Variants in TBC1D32 observed in about 807,000 individuals in gnomAD.
The protein encoded by TBC1D32 is TBC1 domain family member 32.
In TBC1D32, 151 loss-of-function variants were observed where a neutral mutation model predicts 170.3. The observed-to-expected ratio is 0.89, with a 90% CI of 0.78 to 1.01. TBC1D32 has a LOEUF of 1.01. Among genes scored for constraint, TBC1D32 ranks in the 50% least tolerant of loss-of-function variants. The pLI, the probability that TBC1D32 is intolerant of heterozygous loss-of-function variation, is 0.00. For synonymous variants in TBC1D32, 498 were observed against 488.0 expected (o/e 1.02, Z -0.27); for missense variants, 1,464 against 1,457.1 (o/e 1.00, Z -0.08).
chr6:121,231,917 A>T (rs1418879541), intron 20 of TBC1D32, among the ~76,000 whole-genome samples: 1 of 152,014 alleles, frequency 6.6e-6, no homozygotes, highest in Non-Finnish European at 1.5e-5. Flanking sequence ...AAGCTTTTTA[A>T]TTTAATTAAG....
intron 24 of TBC1D32, among the ~76,000 whole-genome samples, chr6:121,150,254 T>G (rs1784044697): frequency 6.6e-6 from 1 of 152,226 alleles, no homozygotes; most frequent in Admixed American, 6.5e-5. Context: ...CTTTCCTGCA[T>G]CTATTGAGAT....
At chr6:121,169,716 C>A (rs767619675) in intron 22 of TBC1D32, among the ~76,000 whole-genome samples, 1 of 152,074 alleles carries the variant, frequency 6.6e-6, no homozygotes, top group Non-Finnish European at 1.5e-5. Context: ...CTACAAAAAA[C>A]CTAGAGTATC....
intron 24 of TBC1D32, among the ~76,000 whole-genome samples, chr6:121,153,223 T>C (rs562820988): frequency 2.6e-5 from 4 of 152,136 alleles, no homozygotes; most frequent in Admixed American, 6.5e-5. Context: ...TTGCTTTCTG[T>C]TTGTTAGTTT....
At chr6:121,212,486 C>A (rs1271706929) in intron 21 of TBC1D32, among the ~76,000 whole-genome samples, 1 of 140,858 alleles carries the variant, frequency 7.1e-6, no homozygotes, top group East Asian at 2.0e-4. Context: ...TGGAGTTTCC[C>A]TCTTGTTTCC....
intron 15 of TBC1D32, among the ~76,000 whole-genome samples, chr6:121,264,532 T>C (rs1019622598): frequency 6.6e-6 from 1 of 151,976 alleles, no homozygotes; most frequent in Non-Finnish European, 1.5e-5. Flanking sequence ...TCCTAACAAT[T>C]AAAAGGAAGG....
intron 2 of TBC1D32, among the ~76,000 whole-genome samples, chr6:121,320,928 C>G (rs376769792): frequency 1.3e-5 from 2 of 151,900 alleles, no homozygotes; most frequent in Non-Finnish European, 2.9e-5. Flanking sequence ...ATAACACTGA[C>G]GAGAAAAAAA....
intron 15 of TBC1D32, among the ~76,000 whole-genome samples, chr6:121,257,319 A>T (rs959476610): frequency 6.6e-6 from 1 of 151,824 alleles, no homozygotes; most frequent in Admixed American, 6.6e-5. Context: ...CACTATCTGG[A>T]TGTCCCAATT....
chr6:121,153,004 T>C (rs1021761850), intron 24 of TBC1D32, among the ~76,000 whole-genome samples: 1 of 152,178 alleles, frequency 6.6e-6, no homozygotes, highest in African/African-American at 2.4e-5. Context: ...TACTGTCAAT[T>C]TGTCAAACTC....
intron 24 of TBC1D32, among the ~76,000 whole-genome samples, chr6:121,134,466 C>A (rs1781795508): frequency 6.6e-6 from 1 of 152,060 alleles, no homozygotes; most frequent in African/African-American, 2.4e-5. Context: ...ATGTGGTATG[C>A]GCCTGAATCT....
Position 121,090,868 on chromosome 6 carries a change from C to A in TBC1D32, c.3639G>T (p.Leu1213=). The part of the protein sequence containing the change: ...DILQHTQTQD[L]QVFLKEEALH... ...ACATACTTACTTTTAGGAAAACTTG[C>A]AGATCTTGAGTCTGAGTGTGCTGTA... The change falls in exon 31 of 32, where the codon CTG becomes CTT. Residue 1213 remains leucine, a synonymous_variant. Transcript: ENST00000398212. 1 of 1,608,648 alleles carries A rather than the reference C, an allele frequency of 6.2e-7. No individual in the cohort carries two copies. Among genetic ancestry groups the A allele is most frequent in the Non-Finnish European group, 8.5e-7 (1 of 1,178,542 alleles).
chr6:121,281,695 CAATA>C lies in TBC1D32; in HGVS notation c.1466-13_1466-10del. 2.6e-6 allele frequency: 4 copies of C among 1,560,650 alleles called. No homozygotes were observed. Among genetic ancestry groups the C allele is most frequent in the Non-Finnish European group, 3.5e-6 (4 of 1,153,732 alleles). On this transcript the variant is annotated splice_polypyrimidine_tract_variant and intron_variant, in intron 13 of 31. Transcript: ENST00000398212. ...TGCAGGAGAGTAATTCTCTAATAAACAATAAATATTTTTTAATACCAAAACATTA... is the reference window on the plus strand; with the variant it reads ...TGCAGGAGAGTAATTCTCTAATAAACAATATTTTTTAATACCAAAACATTA...
rs543752025 is a variant in TBC1D32 at position 121,186,924 on chromosome 6, T to C, written c.2570+18151A>G. ...TCTGAGGTTTAAATGACTCAAAATA[T>C]TCAAAGAGCTTAGAATGGTCCTGCC... On this transcript the variant is annotated intron_variant, in intron 22 of 31. Coordinates refer to ENST00000398212, the MANE Select transcript of TBC1D32 (RefSeq NM_152730.6). Among the ~76,000 whole-genome samples the C allele has an allele frequency of 2.2e-3, 140 of 62,474 alleles. 1 individual carries two copies. The highest frequency in any genetic ancestry group is 3.9e-3 in the African/African-American group (134 of 34,270). The allele number at this position is 62,474 out of a possible 152,430, so 41.0% of individuals were successfully genotyped here.
intron 22 of TBC1D32, chr6:121,170,379 ACT>A (rs769360166): frequency 1.6e-4 from 254 of 1,573,834 alleles, no homozygotes; most frequent in Non-Finnish European, 1.9e-4. Context: ...AACTGCTGTT[ACT>A]CTGTTTTAAT....
intron 1 of TBC1D32, among the ~76,000 whole-genome samples, chr6:121,331,836 G>A (rs1282080653): frequency 6.6e-6 from 1 of 152,130 alleles, no homozygotes; most frequent in Non-Finnish European, 1.5e-5. Flanking sequence ...ATATAAAAGA[G>A]TTCCCTCCTC....
chr6:121,107,999 AAC>A (rs1778851926), intron 29 of TBC1D32, among the ~76,000 whole-genome samples: 1 of 152,124 alleles, frequency 6.6e-6, no homozygotes, highest in Admixed American at 6.5e-5. Context: ...ACTTTGTGGT[AAC>A]ACAGCTCCTG....
intron 24 of TBC1D32, among the ~76,000 whole-genome samples, chr6:121,143,175 T>C (rs1783011418): frequency 6.6e-6 from 1 of 152,076 alleles, no homozygotes; most frequent in Non-Finnish European, 1.5e-5. Flanking sequence ...AATGATATTC[T>C]AAGTAGATAT....
chr6:121,334,064 C>T (rs892795264), intron 1 of TBC1D32, among the ~76,000 whole-genome samples: 1 of 151,886 alleles, frequency 6.6e-6, no homozygotes, highest in African/African-American at 2.4e-5. Flanking sequence ...GAGACTCCCC[C>T]TCAAAAAATA....
At position 121,080,592 on chromosome 6, in the gene TBC1D32, T is replaced by A. The variant is rs1775543217; in HGVS notation, c.*179A>T. On this transcript the variant is annotated 3_prime_UTR_variant, in exon 32 of 32. Coordinates refer to ENST00000398212, the MANE Select transcript of TBC1D32 (RefSeq NM_152730.6). ...ATAATAACCTTACAAAACAACAAATTTACAAAAATGAATTCACAAATTGAG... is the reference window on the plus strand; with the variant it reads ...ATAATAACCTTACAAAACAACAAATATACAAAAATGAATTCACAAATTGAG... 4 of 741,200 alleles carry A rather than the reference T, an allele frequency of 5.4e-6. No homozygotes were observed. Among genetic ancestry groups the A allele is most frequent in the African/African-American group, 1.8e-5 (1 of 54,628 alleles). The allele number at this position is 741,200 out of a possible 1,614,324, so 45.9% of individuals were successfully genotyped here.
intron 24 of TBC1D32, among the ~76,000 whole-genome samples, chr6:121,151,285 T>C (rs1342587853): frequency 6.6e-6 from 1 of 152,202 alleles, no homozygotes; most frequent in African/African-American, 2.4e-5. Context: ...GAGCAGGTTG[T>C]TCAGTTTCCA....
Sources: gnomAD v4.1 joint callset for allele counts (sites outside exome capture counted in the v4.1 genomes callset) on GRCh38, gnomAD v4.1.1 for gene constraint, MANE v1.5 for transcripts, NCBI Gene and HGNC (gene_info 2026-07-23, HGNC 2026-07-21) for gene names.